ANKRD13A: variants seen among roughly 807,000 people sequenced by gnomAD.
The protein encoded by ANKRD13A is ankyrin repeat domain-containing protein 13A.
ANKRD13A carries 48 observed loss-of-function variants against 81.3 expected under a neutral mutation model. The observed-to-expected ratio is 0.59, with a 90% confidence interval of 0.47 to 0.75. The LOEUF is 0.75. Among genes scored for constraint, ANKRD13A ranks in the 30% least tolerant of loss-of-function variants. The pLI is 0.00. For missense variants in ANKRD13A, 612 were observed against 734.0 expected (o/e 0.83, Z 1.92); for synonymous variants, 230 against 270.1 (o/e 0.85, Z 1.45).
intron 4 of ANKRD13A, among the ~76,000 whole-genome samples, chr12:110,017,137 T>C (rs1301842778): frequency 2.0e-5 from 3 of 152,190 alleles, no homozygotes; most frequent in African/African-American, 7.2e-5. Context: ...CTCGAACTCC[T>C]GTCCTCAGCT....
intron 8 of ANKRD13A, among the ~76,000 whole-genome samples, chr12:110,026,405 C>G (rs567595897): frequency 6.6e-6 from 1 of 151,088 alleles, no homozygotes; most frequent in South Asian, 2.1e-4. Flanking sequence ...GAAACCCCAT[C>G]TGTGCTAAAA....
intron 6 of ANKRD13A, among the ~76,000 whole-genome samples, chr12:110,019,933 G>A (rs1308745981): frequency 6.6e-6 from 1 of 152,200 alleles, no homozygotes; most frequent in Non-Finnish European, 1.5e-5. Flanking sequence ...CTGGTCATGT[G>A]CCTCTGGGCC....
In ANKRD13A at chr12:110,018,209, A is replaced by C; in HGVS notation, c.401-136A>C. On this transcript the variant is annotated intron_variant, in intron 4 of 14. Transcript: ENST00000261739. The surrounding 1 kb of genome is among the most constrained non-coding windows in gnomAD (Gnocchi z 4.4). ...GTGATTTCCTGTATGGTAAATATGAAAGCCAAGAAGTCCGTTGTTTGATGG... is the reference window on the plus strand; with the variant it reads ...GTGATTTCCTGTATGGTAAATATGACAGCCAAGAAGTCCGTTGTTTGATGG... 2 of 850,136 alleles carry C rather than the reference A, an allele frequency of 2.4e-6. No homozygotes were observed. The highest frequency in any genetic ancestry group is 2.9e-5 in the Admixed American group (1 of 34,160). 52.7% of individuals were successfully genotyped at this position (850,136 alleles called of 1,614,324 possible).
chr12:110,026,244 C>T (rs912511175), intron 8 of ANKRD13A, among the ~76,000 whole-genome samples: 26 of 151,404 alleles, frequency 1.7e-4, no homozygotes, highest in Admixed American at 1.6e-3. Flanking sequence ...AGATTACAGG[C>T]GTGAGCCACC....
intron 1 of ANKRD13A, among the ~76,000 whole-genome samples, chr12:110,003,419 G>A (rs1890078479): frequency 6.6e-6 from 1 of 152,192 alleles, no homozygotes; most frequent in African/African-American, 2.4e-5. Context: ...CTCCTCATGT[G>A]CCCCCTTGGT....
chr12:110,008,846 C>T (rs939957191), intron 1 of ANKRD13A, among the ~76,000 whole-genome samples: 3 of 152,088 alleles, frequency 2.0e-5, no homozygotes, highest in African/African-American at 7.2e-5. Context: ...GATTGTGCCA[C>T]TATACTCCAG....
At chr12:110,035,363 G>T (rs576650321) in intron 13 of ANKRD13A, among the ~76,000 whole-genome samples, 1 of 152,290 alleles carries the variant, frequency 6.6e-6, no homozygotes, top group Non-Finnish European at 1.5e-5. Flanking sequence ...CCAGCACTTT[G>T]GGAAGCCAAG....
In ANKRD13A at chr12:110,013,152, A is replaced by G. The variant is rs766832970; in HGVS notation, c.257A>G (p.Asp86Gly). ...TTACATGAGGCTGTGAGCACTGGCG[A>G]TCCTGAGATGGTGTACACAGTTCTC... ...TVLHEAVSTG[D>G]PEMVYTVLQH... is the part of the protein sequence containing the mutation. Residue 86 changes from aspartate to glycine, a missense_variant, in exon 3 of 15, where the codon GAT becomes GGT. Asp to Gly is a moderately conservative substitution (Grantham distance 94, BLOSUM62 -1). Transcript: ENST00000261739. 5 of 1,614,166 alleles carry G rather than the reference A, an allele frequency of 3.1e-6. No homozygotes were observed. The South Asian group carries it at 5.5e-5, about 18-fold the overall frequency.
chr12:110,013,702 T>G (rs1044451013), intron 3 of ANKRD13A, among the ~76,000 whole-genome samples: 1 of 152,040 alleles, frequency 6.6e-6, no homozygotes, highest in Non-Finnish European at 1.5e-5. Flanking sequence ...ACCCAGAAGG[T>G]TGAGGCTGCA....
intron 1 of ANKRD13A, among the ~76,000 whole-genome samples, chr12:110,002,721 C>T (rs560757332): frequency 1.1e-4 from 17 of 152,306 alleles, no homozygotes; most frequent in Non-Finnish European, 2.2e-4. Flanking sequence ...TTTCCTCATT[C>T]CGTCTATCAC....
chr12:110,018,752 T>A lies in ANKRD13A; in HGVS notation c.544+264T>A, dbSNP rs938378856. On this transcript the variant is annotated intron_variant, in intron 5 of 14. Coordinates refer to ENST00000261739, the MANE Select transcript of ANKRD13A (RefSeq NM_033121.2). This position sits in a 1 kb window ranked among gnomAD's most constrained non-coding sequence, Gnocchi z 4.4. ...TTCCTGAGCCTTTGAGCACAGGCCT[T>A]CTGTGTGTATCTCTGTATAACCCTC... Among the ~76,000 whole-genome samples the A allele has an allele frequency of 6.6e-6, 1 of 152,220 alleles. No homozygotes were observed. The highest frequency in any genetic ancestry group is 1.5e-5 in the Non-Finnish European group (1 of 68,040).
chr12:109,999,715 C>A lies in ANKRD13A; in HGVS notation c.27C>A (p.Asp9Glu). The change falls in exon 1 of 15, where the codon GAC becomes GAA. Residue 9 changes from aspartate (D) to glutamate (E), a missense_variant. Physicochemically the swap from Asp to Glu is conservative, Grantham distance 45. Coordinates refer to ENST00000261739, the MANE Select transcript of ANKRD13A (RefSeq NM_033121.2). This position sits in a 1 kb window ranked among gnomAD's most constrained non-coding sequence, Gnocchi z 4.3. MSSACDAGDHYPLHLLVWK... is the reference protein window; with the variant it reads MSSACDAGEHYPLHLLVWK... ...TGTCCTCGGCCTGCGACGCGGGCGA[C>A]CACTACCCCCTGCACCTCCTAGTCT... The A allele has an allele frequency of 6.5e-7, 1 of 1,539,480 alleles. No individual in the cohort carries two copies. The highest frequency in any genetic ancestry group is 8.8e-7 in the Non-Finnish European group (1 of 1,141,602).
intron 1 of ANKRD13A, among the ~76,000 whole-genome samples, chr12:110,009,395 A>G (rs1890397275): frequency 6.6e-6 from 1 of 152,104 alleles, no homozygotes; most frequent in Non-Finnish European, 1.5e-5. Context: ...GTTTTCTTTT[A>G]TAATCCTTTT....
intron 13 of ANKRD13A, among the ~76,000 whole-genome samples, chr12:110,034,732 C>T (rs74976836): frequency 6.6e-6 from 1 of 152,228 alleles, no homozygotes; most frequent in Non-Finnish European, 1.5e-5. Context: ...CCTCCTGGCT[C>T]TACTAGGGTA....
In ANKRD13A at chr12:110,031,040, AG is replaced by A. The variant is rs922712435; in HGVS notation, c.1348+284del. Among the ~76,000 whole-genome samples, 75 of 151,818 alleles carry A rather than the reference AG, an allele frequency of 4.9e-4. 1 individual carries two copies. Among genetic ancestry groups the A allele is most frequent in the Middle Eastern group, 3.4e-3 (1 of 294 alleles). On this transcript the variant is annotated intron_variant, in intron 12 of 14. Transcript: ENST00000261739. ...AACTGGGGGAGAGGCGGGGGGATGG[AG>A]GTTGCTGTGAGCCGAGATTGTACCA... is the stretch of plus-strand genomic sequence containing the variant.
At chr12:110,010,757 T>C (rs1297024952) in intron 1 of ANKRD13A, among the ~76,000 whole-genome samples, 1 of 152,226 alleles carries the variant, frequency 6.6e-6, no homozygotes, top group Non-Finnish European at 1.5e-5. Flanking sequence ...AGCCATGACA[T>C]AGTTTTCGCA....
chr12:110,027,931 G>A, intron 9 of ANKRD13A, 165 bp downstream of exon 9: 1 of 632,224 alleles, frequency 1.6e-6, no homozygotes, highest in Non-Finnish European at 2.8e-6. Flanking sequence ...TTAGATGAGT[G>A]ACTCTTTGAA....
chr12:110,016,304 T>A, intron 3 of ANKRD13A, 84 bp from the exon 4 acceptor site: 1 of 1,078,436 alleles, frequency 9.3e-7, no homozygotes, highest in South Asian at 2.1e-5. Context: ...TAACCCAGGG[T>A]TTTTAAGAAC....
At chr12:110,028,369 C>T in intron 9 of ANKRD13A, 143 bp from the exon 10 acceptor site, 4 of 821,260 alleles carry the variant, frequency 4.9e-6, no homozygotes, top group Non-Finnish European at 5.7e-6. Context: ...CATAGATTTT[C>T]TTGTTCCATG....
Sources: gnomAD v4.1 joint callset for allele counts (sites outside exome capture counted in the v4.1 genomes callset) on GRCh38, gnomAD v4.1.1 for gene constraint, Gnocchi (gnomAD v3.1) non-coding constraint, MANE v1.5 for transcripts, NCBI Gene and HGNC (gene_info 2026-07-23, HGNC 2026-07-21) for gene names.